The following GDI2 variants were observed in gnomAD, a reference collection of about 807,000 sequenced individuals.
The protein encoded by GDI2 is rab GDP dissociation inhibitor beta.
In GDI2, 22 loss-of-function variants were observed where a neutral mutation model predicts 54.2. That is an observed-to-expected ratio of 0.41 (90% CI 0.29 to 0.58). The LOEUF (loss-of-function observed/expected upper bound fraction) is 0.58. Among genes scored for constraint, GDI2 ranks in the 20% least tolerant of loss-of-function variants. The pLI is 0.35. For synonymous variants in GDI2, 177 were observed against 182.1 expected (o/e 0.97, Z 0.23); for missense variants, 422 against 546.0 (o/e 0.77, Z 2.26).
At chr10:5,808,873 T>C (rs1476367214) in intron 1 of GDI2, among the ~76,000 whole-genome samples, 1 of 152,156 alleles carries the variant, frequency 6.6e-6, no homozygotes, top group East Asian at 1.9e-4. Flanking sequence ...ATGGCAAGTA[T>C]CTTACAGCAA....
chr10:5,802,617 T>G (rs1205371190), intron 1 of GDI2, among the ~76,000 whole-genome samples: 1 of 151,336 alleles, frequency 6.6e-6, no homozygotes, highest in Non-Finnish European at 1.5e-5. Context: ...AAAAGAATTA[T>G]GGAAAACTTA....
chr10:5,773,233 T>C (rs1449405083), intron 7 of GDI2, among the ~76,000 whole-genome samples: 1 of 152,182 alleles, frequency 6.6e-6, no homozygotes, highest in African/African-American at 2.4e-5. Context: ...ATTTTTAGAA[T>C]TCCAGTGAGA....
chr10:5,782,528 TCA>T (rs1305131365), intron 6 of GDI2, among the ~76,000 whole-genome samples: 1 of 152,178 alleles, frequency 6.6e-6, no homozygotes, highest in Non-Finnish European at 1.5e-5. Context: ...CATAAAAATT[TCA>T]CAGTGCCTTC....
chr10:5,770,963 C>CAAAAA (rs59686031), intron 7 of GDI2, among the ~76,000 whole-genome samples: 18 of 46,370 alleles, frequency 3.9e-4, no homozygotes, highest in African/African-American at 4.4e-4. Flanking sequence ...GAGACTGTCT[C>CAAAAA]AAAAAAAAAA....
At position 5,766,001 on chromosome 10, in the gene GDI2, T is replaced by G; in HGVS notation, c.*5A>C. The G allele has an allele frequency of 6.4e-7, 1 of 1,570,860 alleles. No homozygotes were observed. The highest frequency in any genetic ancestry group is 8.6e-7 in the Non-Finnish European group (1 of 1,164,848). ...GTCCTAATTACATAATAACATGTACTGCTGTTAGTCTTCCCCATAGATGTC... is the reference window on the plus strand; with the variant it reads ...GTCCTAATTACATAATAACATGTACGGCTGTTAGTCTTCCCCATAGATGTC... On this transcript the variant is annotated 3_prime_UTR_variant, in exon 11 of 11. Coordinates refer to ENST00000380191, the MANE Select transcript of GDI2 (RefSeq NM_001494.4). This position sits in a 1 kb window ranked among gnomAD's most constrained non-coding sequence, Gnocchi z 5.8.
At chr10:5,798,694 T>C (rs1368497633) in intron 2 of GDI2, among the ~76,000 whole-genome samples, 4 of 149,234 alleles carry the variant, frequency 2.7e-5, no homozygotes, top group Middle Eastern at 7.2e-3. Flanking sequence ...AGAAATATAC[T>C]AGGCCAGGCA....
intron 4 of GDI2, among the ~76,000 whole-genome samples, chr10:5,792,908 G>T (rs1278571871): frequency 7.1e-6 from 1 of 141,638 alleles, no homozygotes; most frequent in Non-Finnish European, 1.5e-5. Flanking sequence ...TTTAATATAA[G>T]TAAGAGCTCC....
intron 4 of GDI2, 36 bp downstream of exon 4, chr10:5,794,849 A>G (rs1399222960): frequency 7.0e-7 from 1 of 1,422,880 alleles, no homozygotes; most frequent in Non-Finnish European, 9.9e-7. Context: ...TTCTGAGAAA[A>G]TAAAACTAGT....
At position 5,768,141 on chromosome 10, in the gene GDI2, A is replaced by T. The variant is rs1840402317; in HGVS notation, c.991+72T>A. The stretch of plus-strand genomic sequence containing the variant: ...ACTAATACAGCATACAAAATTAGGA[A>T]TTTGGGATAAAACACAAAGCAAATT... On this transcript the variant is annotated intron_variant, in intron 8 of 10. Coordinates refer to ENST00000380191, the MANE Select transcript of GDI2 (RefSeq NM_001494.4). The surrounding 1 kb of genome is among the most constrained non-coding windows in gnomAD (Gnocchi z 4.4). 1.5e-6 allele frequency: 2 copies of T among 1,296,312 alleles called. No homozygotes were observed. Among genetic ancestry groups the T allele is most frequent in the Non-Finnish European group, 2.2e-6 (2 of 907,558 alleles). 80.3% of individuals were successfully genotyped at this position (1,296,312 alleles called of 1,614,324 possible).
intron 2 of GDI2, among the ~76,000 whole-genome samples, chr10:5,798,550 C>T (rs1270760364): frequency 6.7e-6 from 1 of 150,164 alleles, no homozygotes; most frequent in Non-Finnish European, 1.5e-5. Context: ...GATCGTGCCA[C>T]TGCACTGCAG....
rs112492531 is a variant in GDI2 at position 5,802,427 on chromosome 10, C to A, written c.46-1722G>T. Among the ~76,000 whole-genome samples, 989 of 152,012 alleles carry A rather than the reference C, an allele frequency of 6.5e-3. 6 individuals are homozygous for A. Among genetic ancestry groups the A allele is most frequent in the Non-Finnish European group, 1.0e-2 (679 of 67,958 alleles). On this transcript the variant is annotated intron_variant, in intron 1 of 10. Transcript: ENST00000380191. ...CATCCTGGCCAACATGGTGAAACCC[C>A]ATCTCTACTAAAAATACAAAACTTA...
chr10:5,767,971 C>A (rs1369938769), intron 8 of GDI2, among the ~76,000 whole-genome samples: 1 of 152,182 alleles, frequency 6.6e-6, no homozygotes, highest in African/African-American at 2.4e-5. Flanking sequence ...GCAGGGTTCA[C>A]CAAGCCCAGT....
chr10:5,812,524 G>A (rs1841497975), intron 1 of GDI2, among the ~76,000 whole-genome samples: 1 of 152,180 alleles, frequency 6.6e-6, no homozygotes, highest in African/African-American at 2.4e-5. Flanking sequence ...GGTCAGGTGC[G>A]AAAGCATTTG....
chr10:5,776,089 T>C lies in GDI2; in HGVS notation c.720-2148A>G. 9.4e-6 allele frequency: 2 copies of C among 212,858 alleles called. No homozygotes were observed. The highest frequency in any genetic ancestry group is 5.1e-5 in the Admixed American group (1 of 19,460). 13.2% of individuals were successfully genotyped at this position (212,858 alleles called of 1,614,324 possible). On this transcript the variant is annotated intron_variant, in intron 6 of 10. Transcript: ENST00000380191. This position sits in a 1 kb window ranked among gnomAD's most constrained non-coding sequence, Gnocchi z 5.3. ...ATAATGGATCCCTCAACCTGGCTCA[T>C]CAACAGAGCAGATGAACAGACCATT...
At chr10:5,796,242 TG>T in intron 3 of GDI2, among the ~76,000 whole-genome samples, 1 of 151,406 alleles carries the variant, frequency 6.6e-6, no homozygotes, top group East Asian at 1.9e-4. Flanking sequence ...CCCAGCTACT[TG>T]GGAGGCTGAG....
intron 4 of GDI2, among the ~76,000 whole-genome samples, chr10:5,792,948 C>T (rs1383783240): frequency 7.0e-6 from 1 of 141,898 alleles, no homozygotes; most frequent in East Asian, 2.2e-4. Flanking sequence ...AAAGAACCCA[C>T]GACCTTTGTC....
chr10:5,790,134 A>C (rs1268998676), intron 4 of GDI2, among the ~76,000 whole-genome samples: 1 of 152,210 alleles, frequency 6.6e-6, no homozygotes, highest in South Asian at 2.1e-4. Context: ...TACAAGAAAA[A>C]GTTGAATTCC....
intron 1 of GDI2, among the ~76,000 whole-genome samples, chr10:5,802,134 C>G (rs1841283996): frequency 6.6e-6 from 1 of 152,316 alleles, no homozygotes; most frequent in East Asian, 1.9e-4. Context: ...TGCCACTGAT[C>G]TGTAAGCTGA....
intron 4 of GDI2, among the ~76,000 whole-genome samples, chr10:5,789,916 T>C (rs1840974428): frequency 6.6e-6 from 1 of 152,208 alleles, no homozygotes; most frequent in Non-Finnish European, 1.5e-5. Flanking sequence ...TGTTTGAATA[T>C]CTTAAAACTC....
Sources: allele counts gnomAD v4.1 joint callset (sites outside exome capture counted in the v4.1 genomes callset), GRCh38; gene constraint gnomAD v4.1.1; non-coding constraint Gnocchi (gnomAD v3.1); transcripts MANE v1.5; gene names NCBI Gene and HGNC (gene_info 2026-07-23, HGNC 2026-07-21).